Variants in THADA observed in about 807,000 individuals in gnomAD.
THADA encodes the protein THADA armadillo repeat containing.
In THADA, 213 loss-of-function variants were observed where a neutral mutation model predicts 219.8. That is an observed-to-expected ratio of 0.97 (90% CI 0.87 to 1.09). THADA has a LOEUF of 1.09. Ranked by LOEUF, THADA falls within the 50% of genes least tolerant of loss-of-function variation. The pLI is 0.00. For missense variants in THADA, 2,956 were observed against 2,311.3 expected (o/e 1.28, Z -5.72); for synonymous variants, 1,018 against 828.9 (o/e 1.23, Z -3.92).
intron 16 of THADA, among the ~76,000 whole-genome samples, chr2:43,559,438 C>T (rs1697792401): frequency 6.6e-6 from 1 of 152,192 alleles, no homozygotes; most frequent in Admixed American, 6.5e-5. Flanking sequence ...CTAAACACAG[C>T]TGAACAACCA....
chr2:43,405,525 T>C (rs1401105812), intron 28 of THADA, among the ~76,000 whole-genome samples: 1 of 152,220 alleles, frequency 6.6e-6, no homozygotes. Flanking sequence ...CATCAAAGGA[T>C]CTACCACCAC....
chr2:43,595,522 T>C (rs1193042728), intron 1 of THADA: 2 of 152,366 alleles, frequency 1.3e-5, no homozygotes, highest in African/African-American at 4.8e-5. Flanking sequence ...TCGGTAATTA[T>C]GCCTGCTCAA....
chr2:43,576,524 G>A (rs1699876168), intron 10 of THADA, among the ~76,000 whole-genome samples: 3 of 152,140 alleles, frequency 2.0e-5, no homozygotes, highest in Admixed American at 1.3e-4. Flanking sequence ...GATTACCTAT[G>A]TTGAAGTTCT....
chr2:43,551,504 G>A (rs927938784), intron 19 of THADA, among the ~76,000 whole-genome samples: 1 of 151,492 alleles, frequency 6.6e-6, no homozygotes, highest in African/African-American at 2.4e-5. Flanking sequence ...CCAATTTTCA[G>A]ATTTGGGATG....
intron 31 of THADA, among the ~76,000 whole-genome samples, chr2:43,300,916 G>A (rs1211272624): frequency 6.6e-6 from 1 of 152,162 alleles, no homozygotes; most frequent in South Asian, 2.1e-4. Flanking sequence ...CCTGGGATGG[G>A]GCTGATGATT....
At chr2:43,499,185 C>T (rs1422319742) in intron 24 of THADA, among the ~76,000 whole-genome samples, 1 of 152,134 alleles carries the variant, frequency 6.6e-6, no homozygotes, top group Non-Finnish European at 1.5e-5. Flanking sequence ...ATCCAATGGA[C>T]ATATGTAGAA....
At chr2:43,322,067 G>A (rs1262199183) in intron 30 of THADA, among the ~76,000 whole-genome samples, 2 of 151,626 alleles carry the variant, frequency 1.3e-5, no homozygotes, top group South Asian at 2.1e-4. Context: ...ACAGAGTCTC[G>A]CTCTGTCCCC....
At chr2:43,440,737 T>C (rs915740737) in intron 26 of THADA, among the ~76,000 whole-genome samples, 7 of 152,188 alleles carry the variant, frequency 4.6e-5, no homozygotes, top group African/African-American at 1.4e-4. Flanking sequence ...TATTTCTTGG[T>C]TGAGTAAGAA....
At chr2:43,495,270 T>C (rs1459975936) in intron 25 of THADA, among the ~76,000 whole-genome samples, 2 of 152,194 alleles carry the variant, frequency 1.3e-5, no homozygotes, top group Non-Finnish European at 2.9e-5. Context: ...TGTTGATCAT[T>C]ATAGCTATGA....
intron 29 of THADA, among the ~76,000 whole-genome samples, chr2:43,383,693 T>C (rs1484548339): frequency 6.6e-6 from 1 of 152,198 alleles, no homozygotes; most frequent in Middle Eastern, 3.2e-3. Context: ...TTCTAACCAG[T>C]TCTAAGCAAT....
At chr2:43,424,549 G>A (rs185449972) in intron 28 of THADA, among the ~76,000 whole-genome samples, 24 of 152,296 alleles carry the variant, frequency 1.6e-4, no homozygotes, top group Admixed American at 6.5e-5. Context: ...CACAAGCACT[G>A]CCTGGAATGA....
intron 19 of THADA, 43 bp downstream of exon 19, chr2:43,551,746 A>C (rs114075989): frequency 1.3e-6 from 2 of 1,568,436 alleles, no homozygotes; most frequent in Non-Finnish European, 1.7e-6. Flanking sequence ...AAGACATAAT[A>C]ATCAAACCAC....
chr2:43,283,883 TA>T (rs1673669032), intron 35 of THADA, among the ~76,000 whole-genome samples: 1 of 152,134 alleles, frequency 6.6e-6, no homozygotes, highest in African/African-American at 2.4e-5. Flanking sequence ...TTTGCATAAG[TA>T]AAGAGGAGCC....
At chr2:43,402,286 C>T (rs995198076) in intron 28 of THADA, among the ~76,000 whole-genome samples, 2 of 152,162 alleles carry the variant, frequency 1.3e-5, no homozygotes, top group Admixed American at 6.5e-5. Context: ...CCCATGCAGA[C>T]ATTCACAGCC....
At chr2:43,549,644 CTT>C (rs537127391) in intron 19 of THADA, among the ~76,000 whole-genome samples, 18 of 152,228 alleles carry the variant, frequency 1.2e-4, no homozygotes, top group Admixed American at 1.1e-3. Flanking sequence ...ATCTACACTG[CTT>C]TTCTTAGTGT....
At chr2:43,430,810 G>A (rs2134) in intron 26 of THADA, among the ~76,000 whole-genome samples, 6 of 152,304 alleles carry the variant, frequency 3.9e-5, no homozygotes, top group African/African-American at 1.4e-4. Context: ...GATGCCAGCA[G>A]CACAACACCC....
chr2:43,312,406 C>A, intron 31 of THADA, among the ~76,000 whole-genome samples: 1 of 152,102 alleles, frequency 6.6e-6, no homozygotes, highest in East Asian at 1.9e-4. Context: ...AAAGCTCACC[C>A]TTTTCACTAA....
intron 35 of THADA, among the ~76,000 whole-genome samples, chr2:43,285,633 G>A (rs564811146): frequency 8.8e-4 from 132 of 150,342 alleles, no homozygotes; most frequent in African/African-American, 3.0e-3. Flanking sequence ...GCGTGATCTC[G>A]GCTCACCGTA....
chr2:43,437,575 A>T (rs955096068), intron 26 of THADA, among the ~76,000 whole-genome samples: 1 of 152,198 alleles, frequency 6.6e-6, no homozygotes, highest in Non-Finnish European at 1.5e-5. Flanking sequence ...TAATCGAAGG[A>T]GCCAACAGTG....
Sources: gnomAD v4.1 joint callset for allele counts (sites outside exome capture counted in the v4.1 genomes callset) on GRCh38, gnomAD v4.1.1 for gene constraint, MANE v1.5 for transcripts, NCBI Gene and HGNC (gene_info 2026-07-23, HGNC 2026-07-21) for gene names.